MECOM: variants seen among roughly 807,000 people sequenced by gnomAD.
MECOM encodes the protein histone-lysine N-methyltransferase MECOM.
A neutral mutation model predicts 116.3 loss-of-function variants in MECOM; 13 were observed. The ratio of observed to expected loss-of-function variants is 0.11; its 90% CI spans 0.07 to 0.18. The LOEUF (loss-of-function observed/expected upper bound fraction) is 0.18. Ranked by LOEUF, MECOM falls within the 10% of genes least tolerant of loss-of-function variation. The probability of loss-of-function intolerance (pLI) is 1.00; values close to 1 mark genes in which losing one functional copy is unlikely to be tolerated. For synonymous variants in MECOM, 528 were observed against 535.2 expected (o/e 0.99, Z 0.19); for missense variants, 1,299 against 1,509.0 (o/e 0.86, Z 2.31).
At position 169,083,569 on chromosome 3, in the gene MECOM, C is replaced by G. The variant is rs1014463448; in HGVS notation, c.*1340G>C. On this transcript the variant is annotated 3_prime_UTR_variant, in exon 17 of 17. Coordinates refer to ENST00000651503, the MANE Select transcript of MECOM (RefSeq NM_004991.4). ...CATAGTAATGCACTGAAAGGCATAA[C>G]AGTTTATATTGTACAAAGCATTTGA... 5.3e-6 allele frequency: 1 copy of G among 187,928 alleles called. No individual in the cohort carries two copies. Among genetic ancestry groups the G allele is most frequent in the Admixed American group, 6.2e-5 (1 of 16,176 alleles). 11.6% of individuals were successfully genotyped at this position (187,928 alleles called of 1,614,324 possible). A position where few individuals can be genotyped will look rare whatever the true frequency, so the allele number is the denominator to read the frequency against.
chr3:169,190,966 G>A (rs1253036908), intron 2 of MECOM, among the ~76,000 whole-genome samples: 3 of 151,940 alleles, frequency 2.0e-5, no homozygotes, highest in Non-Finnish European at 2.9e-5. Context: ...AATATGTACA[G>A]AGTAGGCAAT....
At chr3:169,285,830 G>A (rs142254025) in intron 2 of MECOM, among the ~76,000 whole-genome samples, 10 of 152,176 alleles carry the variant, frequency 6.6e-5, no homozygotes, top group African/African-American at 2.4e-4. Context: ...TTCTTAATGG[G>A]GTGTAATCAG....
chr3:169,183,700 G>A (rs1212924846), intron 2 of MECOM, among the ~76,000 whole-genome samples: 1 of 142,966 alleles, frequency 7.0e-6, no homozygotes, highest in Non-Finnish European at 1.5e-5. Context: ...AAGAAGGCAG[G>A]GAGAAAGCAA....
At chr3:169,306,957 T>C (rs900238508) in intron 2 of MECOM, among the ~76,000 whole-genome samples, 1 of 152,176 alleles carries the variant, frequency 6.6e-6, no homozygotes, top group Non-Finnish European at 1.5e-5. Flanking sequence ...CCCAGACCAC[T>C]TCCTTAGGTG....
At chr3:169,116,921 C>A (rs1729335843) in intron 7 of MECOM, among the ~76,000 whole-genome samples, 182 bp from the exon 8 acceptor site, 1 of 152,070 alleles carries the variant, frequency 6.6e-6, no homozygotes, top group Non-Finnish European at 1.5e-5. Flanking sequence ...GCAAGGCAAC[C>A]AACCTGACAA....
rs895930707 is a variant in MECOM at position 169,083,759 on chromosome 3, T to A, written c.*1150A>T. 4 of 209,192 alleles carry A rather than the reference T, an allele frequency of 1.9e-5. No individual in the cohort carries two copies. The highest frequency in any genetic ancestry group is 9.1e-5 in the African/African-American group (4 of 44,116). The allele number at this position is 209,192 out of a possible 1,614,324, so 13.0% of individuals were successfully genotyped here. A position where few individuals can be genotyped will look rare whatever the true frequency, so the allele number is the denominator to read the frequency against. On this transcript the variant is annotated 3_prime_UTR_variant, in exon 17 of 17. Transcript: ENST00000651503. ...CTTCATTTTACAAATAGGATTAACA[T>A]GAACATAACATCGCACAAGCTTGCA...
intron 2 of MECOM, among the ~76,000 whole-genome samples, chr3:169,268,643 A>G (rs1298235506): frequency 6.6e-6 from 1 of 152,220 alleles, no homozygotes; most frequent in Admixed American, 6.5e-5. Context: ...AAAAGATTAA[A>G]CGCTAATAGT....
At chr3:169,379,075 C>T (rs902317111) in intron 2 of MECOM, among the ~76,000 whole-genome samples, 21 of 151,160 alleles carry the variant, frequency 1.4e-4, no homozygotes, top group South Asian at 2.1e-4. Context: ...AAAAGTCATC[C>T]GGCAGGGGTT....
intron 2 of MECOM, among the ~76,000 whole-genome samples, chr3:169,165,140 A>G (rs181888419): frequency 2.0e-5 from 3 of 152,334 alleles, no homozygotes; most frequent in Admixed American, 1.3e-4. Flanking sequence ...GAAGACACAT[A>G]TAGATACATG....
At chr3:169,193,359 A>G (rs1747971042) in intron 2 of MECOM, among the ~76,000 whole-genome samples, 1 of 152,026 alleles carries the variant, frequency 6.6e-6, no homozygotes, top group Non-Finnish European at 1.5e-5. Context: ...TCAACTCTGC[A>G]TTTGTTGAAC....
chr3:169,196,056 T>C (rs1748375650), intron 2 of MECOM, among the ~76,000 whole-genome samples: 2 of 152,056 alleles, frequency 1.3e-5, no homozygotes, highest in South Asian at 4.1e-4. Flanking sequence ...AGAGAGCTTT[T>C]TATGTTTCTT....
At chr3:169,250,001 A>G (rs1009862353) in intron 2 of MECOM, among the ~76,000 whole-genome samples, 2 of 152,178 alleles carry the variant, frequency 1.3e-5, no homozygotes, top group African/African-American at 4.8e-5. Context: ...ATTAAGCACA[A>G]ACTTGCAAAG....
At chr3:169,357,745 G>A (rs1298773528) in intron 2 of MECOM, among the ~76,000 whole-genome samples, 1 of 151,576 alleles carries the variant, frequency 6.6e-6, no homozygotes, top group Non-Finnish European at 1.5e-5. Context: ...AAACCATTAG[G>A]TAAAAGGAGT....
chr3:169,640,447 T>A (rs568313383), intron 1 of MECOM, among the ~76,000 whole-genome samples: 6 of 152,334 alleles, frequency 3.9e-5, no homozygotes, highest in African/African-American at 1.2e-4. Context: ...AGAGAAACAC[T>A]AGAAAAAATA....
intron 2 of MECOM, among the ~76,000 whole-genome samples, chr3:169,360,290 TA>T (rs1203615730): frequency 0.083 from 2,461 of 29,510 alleles, 24 homozygotes; most frequent in East Asian, 0.14. Context: ...TAAAGTATAA[TA>T]AAAAAAAAAA....
intron 2 of MECOM, among the ~76,000 whole-genome samples, chr3:169,299,945 T>C (rs965230058): frequency 1.3e-5 from 2 of 152,162 alleles, no homozygotes; most frequent in Admixed American, 6.5e-5. Context: ...CTTGATTCCT[T>C]CCATATCATT....
chr3:169,459,992 G>A (rs941945593), intron 1 of MECOM, among the ~76,000 whole-genome samples: 3 of 152,070 alleles, frequency 2.0e-5, no homozygotes, highest in Non-Finnish European at 4.4e-5. Context: ...TTAAGAATAG[G>A]TTTTCCCTGT....
chr3:169,259,627 G>C (rs540290049), intron 2 of MECOM, among the ~76,000 whole-genome samples: 1 of 152,272 alleles, frequency 6.6e-6, no homozygotes, highest in South Asian at 2.1e-4. Context: ...CACTCGGGAG[G>C]CTGAGGCAGG....
intron 1 of MECOM, among the ~76,000 whole-genome samples, chr3:169,522,209 C>T (rs1560388172): frequency 6.6e-6 from 1 of 152,130 alleles, no homozygotes. Flanking sequence ...CATGTTCATG[C>T]TTCTCATGGA....
Sources: allele counts gnomAD v4.1 joint callset (sites outside exome capture counted in the v4.1 genomes callset), GRCh38; gene constraint gnomAD v4.1.1; transcripts MANE v1.5; gene names NCBI Gene and HGNC (gene_info 2026-07-23, HGNC 2026-07-21).